The following ATP8A1 variants were observed in gnomAD, a reference collection of about 807,000 sequenced individuals.
ATP8A1 encodes ATPase phospholipid transporting 8A1.
ATP8A1 carries 90 observed loss-of-function variants against 177.7 expected under a neutral mutation model. The ratio of observed to expected loss-of-function variants is 0.51; its 90% CI spans 0.43 to 0.60. ATP8A1 has a LOEUF of 0.60. ATP8A1 is among the 20% of genes least tolerant of loss of function. ATP8A1 has a pLI of 0.00. For synonymous variants in ATP8A1, 493 were observed against 485.9 expected (o/e 1.01, Z -0.19); for missense variants, 1,072 against 1,392.8 (o/e 0.77, Z 3.67).
chr4:42,421,537 G>A (rs1450758884), intron 35 of ATP8A1, among the ~76,000 whole-genome samples: 7 of 152,098 alleles, frequency 4.6e-5, no homozygotes, highest in Admixed American at 3.9e-4. Flanking sequence ...GATAGTACAC[G>A]TAAAATGCAA....
chr4:42,422,903 C>T lies in ATP8A1; in HGVS notation c.3213-4G>A, dbSNP rs573557433. 3 of 1,576,264 alleles carry T rather than the reference C, an allele frequency of 1.9e-6. No homozygotes were observed. The highest frequency in any genetic ancestry group is 2.6e-6 in the Non-Finnish European group (3 of 1,166,510). On this transcript the variant is annotated splice_region_variant and splice_polypyrimidine_tract_variant and intron_variant, in intron 34 of 36. Coordinates refer to ENST00000381668, the MANE Select transcript of ATP8A1 (RefSeq NM_006095.2). Reference sequence around the variant, plus strand: ...TTTAAAAGCAGTCCTCTTGATACTGCAAAAAGAAAAAAAAAGGGATTTGCA... The same window carrying T: ...TTTAAAAGCAGTCCTCTTGATACTGTAAAAAGAAAAAAAAAGGGATTTGCA...
At chr4:42,522,336 A>G in intron 21 of ATP8A1, 37 bp from the exon 22 acceptor site, 1 of 1,598,442 alleles carries the variant, frequency 6.3e-7, no homozygotes, top group Non-Finnish European at 8.5e-7. Flanking sequence ...AACACACCAA[A>G]GATTTTCTTC....
intron 1 of ATP8A1, among the ~76,000 whole-genome samples, chr4:42,645,667 C>T (rs1046963522): frequency 1.3e-5 from 2 of 152,182 alleles, no homozygotes; most frequent in Admixed American, 1.3e-4. Flanking sequence ...TCACAAGCCT[C>T]CCACTGCCCT....
At position 42,543,946 on chromosome 4, in the gene ATP8A1, C is replaced by T; in HGVS notation, c.1693G>A (p.Gly565Arg). The T allele has an allele frequency of 6.2e-7, 1 of 1,612,856 alleles. No individual in the cohort carries two copies. The highest frequency in any genetic ancestry group is 1.7e-5 in the Admixed American group (1 of 59,932). Residue 565 changes from glycine (G) to arginine (R), a missense_variant, in exon 20 of 37, where the codon GGA (glycine) becomes AGA (arginine). Coordinates refer to ENST00000381668, the MANE Select transcript of ATP8A1 (RefSeq NM_006095.2). ...RMSVIVRTPS[G>R]KLRLYCKGAD... ...CCTTTGCAGTAGAGTCGTAACTTTC[C>T]AGATGGAGTGCGAACAATCACTGAC...
intron 5 of ATP8A1, among the ~76,000 whole-genome samples, chr4:42,613,395 T>G (rs1392480670): frequency 6.6e-6 from 1 of 150,796 alleles, no homozygotes; most frequent in East Asian, 2.0e-4. Flanking sequence ...TACAAATCCA[T>G]GGATGCTCAA....
chr4:42,613,809 C>A (rs113021754), intron 5 of ATP8A1, among the ~76,000 whole-genome samples: 1 of 152,046 alleles, frequency 6.6e-6, no homozygotes, highest in African/African-American at 2.4e-5. Flanking sequence ...GGCTTGAACT[C>A]CTGACCTCTG....
chr4:42,424,912 T>C (rs1714409561), intron 33 of ATP8A1, among the ~76,000 whole-genome samples: 2 of 152,158 alleles, frequency 1.3e-5, no homozygotes, highest in South Asian at 2.1e-4. Context: ...TTCAATGAAA[T>C]AGCACCAATA....
intron 31 of ATP8A1, among the ~76,000 whole-genome samples, chr4:42,446,209 C>T (rs1717231959): frequency 1.3e-5 from 2 of 151,876 alleles, no homozygotes; most frequent in South Asian, 4.1e-4. Flanking sequence ...TCTATTTCTA[C>T]CCACTGCTCT....
intron 27 of ATP8A1, among the ~76,000 whole-genome samples, chr4:42,458,343 G>A (rs1718713278): frequency 6.6e-6 from 1 of 152,162 alleles, no homozygotes; most frequent in Non-Finnish European, 1.5e-5. Context: ...ACCACTTGCT[G>A]GGACAGTATC....
intron 11 of ATP8A1, among the ~76,000 whole-genome samples, chr4:42,578,740 T>A (rs912269031): frequency 1.3e-5 from 2 of 152,106 alleles, no homozygotes; most frequent in African/African-American, 4.8e-5. Context: ...TATAAATTCT[T>A]AAGAGTATTT....
intron 7 of ATP8A1, among the ~76,000 whole-genome samples, chr4:42,589,532 A>G (rs913742868): frequency 6.6e-6 from 1 of 152,196 alleles, no homozygotes; most frequent in African/African-American, 2.4e-5. Context: ...GATTCATTTT[A>G]AAGTAGCTCT....
At chr4:42,566,522 TG>T (rs1321984181) in intron 15 of ATP8A1, among the ~76,000 whole-genome samples, 1 of 152,224 alleles carries the variant, frequency 6.6e-6, no homozygotes, top group Non-Finnish European at 1.5e-5. Flanking sequence ...CTCAAAGTTG[TG>T]CAAAGTTGTA....
At chr4:42,642,393 G>A (rs1018212576) in intron 1 of ATP8A1, among the ~76,000 whole-genome samples, 5 of 152,206 alleles carry the variant, frequency 3.3e-5, no homozygotes, top group Non-Finnish European at 7.3e-5. Flanking sequence ...CTGGTCAGAT[G>A]AGACTGGCTC....
intron 18 of ATP8A1, 80 bp from the exon 19 acceptor site, chr4:42,549,142 T>C: frequency 8.2e-7 from 1 of 1,215,954 alleles, no homozygotes; most frequent in Non-Finnish European, 1.2e-6. Context: ...GCCATAAAAT[T>C]TTACTGTAAA....
intron 25 of ATP8A1, chr4:42,472,293 G>A (rs1720513855): frequency 3.8e-6 from 2 of 528,984 alleles, no homozygotes; most frequent in Non-Finnish European, 3.7e-6. Context: ...AGAACAACAT[G>A]GAAAGCAAGG....
chr4:42,487,271 T>C (rs1722288549), intron 24 of ATP8A1, among the ~76,000 whole-genome samples: 1 of 152,198 alleles, frequency 6.6e-6, no homozygotes, highest in Non-Finnish European at 1.5e-5. Flanking sequence ...ACCTCAACTA[T>C]TTGTCTCCCT....
At chr4:42,559,848 G>A (rs1320244799) in intron 15 of ATP8A1, among the ~76,000 whole-genome samples, 1 of 152,132 alleles carries the variant, frequency 6.6e-6, no homozygotes, top group East Asian at 1.9e-4. Flanking sequence ...TGGTATTACA[G>A]GCATGTGTCA....
chr4:42,479,117 C>A (rs559642821), intron 25 of ATP8A1, among the ~76,000 whole-genome samples: 1 of 152,164 alleles, frequency 6.6e-6, no homozygotes, highest in Non-Finnish European at 1.5e-5. Flanking sequence ...TTTATTATGG[C>A]CCCAGGGCTA....
chr4:42,449,379 G>C (rs1427181496), intron 30 of ATP8A1, among the ~76,000 whole-genome samples: 1 of 152,202 alleles, frequency 6.6e-6, no homozygotes, highest in African/African-American at 2.4e-5. Context: ...GCATGACGGT[G>C]AAGAATATAA....
Sources: allele counts gnomAD v4.1 joint callset (sites outside exome capture counted in the v4.1 genomes callset), GRCh38; gene constraint gnomAD v4.1.1; transcripts MANE v1.5; gene names NCBI Gene and HGNC (gene_info 2026-07-23, HGNC 2026-07-21).